The following MAEL variants were observed in gnomAD, a reference collection of about 807,000 sequenced individuals.
The protein encoded by MAEL is protein maelstrom homolog.
MAEL carries 46 observed loss-of-function variants against 62.0 expected under a neutral mutation model. The observed-to-expected ratio is 0.74, with a 90% CI of 0.59 to 0.95. The LOEUF is 0.95. Ranked by LOEUF, MAEL falls within the 40% of genes least tolerant of loss-of-function variation. The pLI is 0.00. For missense variants in MAEL, 497 were observed against 526.8 expected, an observed-to-expected ratio of 0.94 and a Z score of 0.55; for synonymous variants, 172 against 175.5, an observed-to-expected ratio of 0.98 and a Z score of 0.16.
intron 1 of MAEL, among the ~76,000 whole-genome samples, chr1:166,982,241 C>G (rs1663780378): frequency 6.6e-6 from 1 of 152,176 alleles, no homozygotes; most frequent in Non-Finnish European, 1.5e-5. Context: ...AGGTAATAAC[C>G]TTGAACATCT....
chr1:166,999,303 G>T (rs1664563883), intron 5 of MAEL, among the ~76,000 whole-genome samples: 2 of 152,218 alleles, frequency 1.3e-5, no homozygotes, highest in Admixed American at 1.3e-4. Flanking sequence ...CTACTCCAGT[G>T]AACAACCAAT....
chr1:166,987,772 C>T (rs764318995), upstream of MAEL, among the ~76,000 whole-genome samples: 11 of 152,056 alleles, frequency 7.2e-5, no homozygotes, highest in Non-Finnish European at 1.2e-4. Context: ...TAAAGGTGGA[C>T]GCACCCTCCA....
At position 167,006,601 on chromosome 1, in the gene MAEL, C is replaced by CCA. The variant is rs1295162731; in HGVS notation, c.845+1204_845+1205insCA. Among the ~76,000 whole-genome samples, 289 of 97,976 alleles carry CCA rather than the reference C, an allele frequency of 2.9e-3. 5 individuals carry two copies. The highest frequency in any genetic ancestry group is 3.6e-3 in the African/African-American group (103 of 28,770). The allele number at this position is 97,976 out of a possible 152,430, so 64.3% of individuals were successfully genotyped here. On this transcript the variant is annotated intron_variant, in intron 8 of 11. Coordinates refer to ENST00000367872, the MANE Select transcript of MAEL (RefSeq NM_032858.3). ...CTATTGGAAAGTTACTGGTTTTTTA[C>CCA]TATATATATATATATATATATATAT...
At chr1:167,001,999 TC>T (rs1287052697) in intron 5 of MAEL, among the ~76,000 whole-genome samples, 1 of 152,178 alleles carries the variant, frequency 6.6e-6, no homozygotes, top group Non-Finnish European at 1.5e-5. Context: ...CAGGCCCATC[TC>T]AAACTCCTGA....
intron 11 of MAEL, 61 bp downstream of exon 11, chr1:167,021,221 C>T (rs918770900): frequency 4.3e-6 from 5 of 1,153,278 alleles, no homozygotes; most frequent in Admixed American, 1.8e-5. Context: ...TTACTAAGAT[C>T]CCAGGTGTGG....
At chr1:166,989,539 G>T (rs1484539542) in intron 1 of MAEL, 55 bp downstream of exon 1, 13 of 1,559,118 alleles carry the variant, frequency 8.3e-6, no homozygotes, top group Non-Finnish European at 1.1e-5. Context: ...AAGCCGGAGG[G>T]TGAGGCGGGA....
rs1031866122 is a variant in MAEL, at chr1:166,989,333, G to A, written c.-20G>A. On this transcript the variant is annotated 5_prime_UTR_variant, in exon 1 of 12. Coordinates refer to ENST00000367872, the MANE Select transcript of MAEL (RefSeq NM_032858.3). Reference sequence around the variant, plus strand: ...CGGTGCTTTGTTCTGTCTGAGGCCAGGAAGTTTGACCGCGCTGCCATGCCG... The same window carrying A: ...CGGTGCTTTGTTCTGTCTGAGGCCAAGAAGTTTGACCGCGCTGCCATGCCG... 3.1e-6 allele frequency: 5 copies of A among 1,605,354 alleles called. No individual in the cohort carries two copies. Among genetic ancestry groups the A allele is most frequent in the Non-Finnish European group, 4.3e-6 (5 of 1,176,238 alleles).
chr1:166,994,168 T>C (rs938376133), intron 5 of MAEL, 99 bp downstream of exon 5: 1 of 1,106,610 alleles, frequency 9.0e-7, no homozygotes, highest in African/African-American at 1.6e-5. Flanking sequence ...AAGAGGAAAA[T>C]AACTTTAGGT....
chr1:166,977,415 C>T (rs1324504361), intron 1 of MAEL, among the ~76,000 whole-genome samples: 1 of 152,106 alleles, frequency 6.6e-6, no homozygotes, highest in African/African-American at 2.4e-5. Context: ...TCATTTAACC[C>T]TAAAGAGGGA....
chr1:166,979,100 G>T (rs781769741), intron 1 of MAEL, among the ~76,000 whole-genome samples: 1 of 152,166 alleles, frequency 6.6e-6, no homozygotes, highest in Non-Finnish European at 1.5e-5. Flanking sequence ...TTTAAAACAT[G>T]ATTTCATTGC....
rs757681335 is a variant in MAEL at position 166,989,324 on chromosome 1, C to T, written c.-29C>T. 9 of 1,602,812 alleles carry T rather than the reference C, an allele frequency of 5.6e-6. No homozygotes were observed. The highest frequency in any genetic ancestry group is 6.8e-6 in the Non-Finnish European group (8 of 1,174,900). ...CGAGGGCGCCGGTGCTTTGTTCTGT[C>T]TGAGGCCAGGAAGTTTGACCGCGCT... On this transcript the variant is annotated 5_prime_UTR_variant, in exon 1 of 12. Coordinates refer to ENST00000367872, the MANE Select transcript of MAEL (RefSeq NM_032858.3).
intron 6 of MAEL, 95 bp from the exon 7 acceptor site, chr1:167,004,981 C>G (rs1330702345): frequency 8.2e-6 from 10 of 1,217,846 alleles, no homozygotes; most frequent in Non-Finnish European, 1.2e-5. Flanking sequence ...CCTCCCAACC[C>G]CCACATTTTG....
intron 5 of MAEL, among the ~76,000 whole-genome samples, chr1:166,995,547 C>T (rs1664390201): frequency 2.0e-5 from 3 of 151,980 alleles, no homozygotes; most frequent in Admixed American, 1.3e-4. Flanking sequence ...GCAGTAGTTC[C>T]TTCTTATATA....
At chr1:167,016,162 A>T in intron 8 of MAEL, 60 bp from the exon 9 acceptor site, 1 of 1,417,852 alleles carries the variant, frequency 7.1e-7, no homozygotes, top group Non-Finnish European at 1.0e-6. Context: ...AATCTGGCAT[A>T]TAAAAACCTT....
At chr1:167,017,202 C>T (rs1296613319) in intron 9 of MAEL, among the ~76,000 whole-genome samples, 5 of 152,028 alleles carry the variant, frequency 3.3e-5, no homozygotes, top group Non-Finnish European at 7.4e-5. Flanking sequence ...TTCCATGATG[C>T]GATTACTACA....
chr1:167,012,116 C>T (rs1665192763), intron 8 of MAEL, among the ~76,000 whole-genome samples: 1 of 152,090 alleles, frequency 6.6e-6, no homozygotes, highest in South Asian at 2.1e-4. Flanking sequence ...TTGTAGTATA[C>T]AATAGAAACT....
At chr1:167,007,603 A>T (rs1276814050) in intron 8 of MAEL, among the ~76,000 whole-genome samples, 1 of 147,240 alleles carries the variant, frequency 6.8e-6, no homozygotes, top group Non-Finnish European at 1.5e-5. Context: ...GTGTGTATGT[A>T]CACACACACT....
intron 5 of MAEL, among the ~76,000 whole-genome samples, chr1:167,003,784 C>CT (rs1040151949): frequency 6.6e-6 from 1 of 152,090 alleles, no homozygotes; most frequent in South Asian, 2.1e-4. Context: ...CATCATATAA[C>CT]TTTTTATAAA....
At chr1:167,006,251 T>A (rs2102101473) in intron 8 of MAEL, among the ~76,000 whole-genome samples, 1 of 152,286 alleles carries the variant, frequency 6.6e-6, no homozygotes, top group East Asian at 1.9e-4. Flanking sequence ...AAAAAAATTC[T>A]AGAGTCCAGT....
Sources: allele counts gnomAD v4.1 joint callset (sites outside exome capture counted in the v4.1 genomes callset), GRCh38; gene constraint gnomAD v4.1.1; transcripts MANE v1.5; gene names NCBI Gene and HGNC (gene_info 2026-07-23, HGNC 2026-07-21).